EYS: variants seen among roughly 807,000 people sequenced by gnomAD.
The protein encoded by EYS is EGF-like photoreceptor maintenance factor.
A neutral mutation model predicts 282.1 loss-of-function variants in EYS; 250 were observed. That is an observed-to-expected ratio of 0.89 (90% CI 0.80 to 0.98). The LOEUF is 0.98. Ranked by LOEUF, EYS falls within the 50% of genes least tolerant of loss-of-function variation. The pLI, the probability that EYS is intolerant of heterozygous loss-of-function variation, is 0.00. For missense variants in EYS, 4,016 were observed against 3,709.0 expected, an observed-to-expected ratio of 1.08 and a Z score of -2.15; for synonymous variants, 1,355 against 1,282.9, an observed-to-expected ratio of 1.06 and a Z score of -1.20.
chr6:64,710,237 C>G (rs547034379), intron 22 of EYS, among the ~76,000 whole-genome samples: 1 of 152,280 alleles, frequency 6.6e-6, no homozygotes, highest in South Asian at 2.1e-4. Flanking sequence ...AAATCCATGT[C>G]TTCTCATTAT....
intron 16 of EYS, among the ~76,000 whole-genome samples, chr6:64,905,204 T>A (rs557873747): frequency 1.3e-5 from 2 of 152,326 alleles, no homozygotes; most frequent in South Asian, 4.1e-4. Context: ...TTAGGATATA[T>A]CCCCATTTTT....
chr6:64,434,142 G>C (rs904144631), intron 28 of EYS, among the ~76,000 whole-genome samples: 3 of 151,782 alleles, frequency 2.0e-5, no homozygotes, highest in Non-Finnish European at 4.4e-5. Flanking sequence ...TTAGGAGATA[G>C]ACACATACAA....
At chr6:64,141,243 C>T (rs919370021) in intron 31 of EYS, among the ~76,000 whole-genome samples, 2 of 152,080 alleles carry the variant, frequency 1.3e-5, no homozygotes, top group East Asian at 3.9e-4. Context: ...ATATATGTGC[C>T]CATCTTTAAA....
intron 15 of EYS, among the ~76,000 whole-genome samples, chr6:64,924,066 T>C (rs1768436209): frequency 6.6e-6 from 1 of 152,196 alleles, no homozygotes; most frequent in African/African-American, 2.4e-5. Context: ...CACAATGCCC[T>C]AGCAGAGGTT....
intron 22 of EYS, among the ~76,000 whole-genome samples, chr6:64,699,333 C>T (rs952855296): frequency 6.6e-6 from 1 of 151,964 alleles, no homozygotes; most frequent in Non-Finnish European, 1.5e-5. Context: ...GAGGGTGGAG[C>T]ATGGGAGCAG....
intron 22 of EYS, among the ~76,000 whole-genome samples, chr6:64,710,324 T>G (rs1583067525): frequency 6.6e-6 from 1 of 152,214 alleles, no homozygotes; most frequent in East Asian, 1.9e-4. Context: ...TCTTAAAATG[T>G]TACAACCCTT....
intron 29 of EYS, among the ~76,000 whole-genome samples, chr6:64,322,006 T>A (rs889965549): frequency 6.6e-6 from 1 of 151,994 alleles, no homozygotes; most frequent in African/African-American, 2.4e-5. Context: ...ATAGTCTACA[T>A]GTAGAAGTAA....
intron 31 of EYS, among the ~76,000 whole-genome samples, chr6:64,166,914 T>A (rs192292213): frequency 6.6e-6 from 1 of 152,148 alleles, no homozygotes; most frequent in South Asian, 2.1e-4. Flanking sequence ...GTGCTATTCC[T>A]TTTTCACTCT....
chr6:64,160,278 C>T (rs1775064273), intron 31 of EYS, among the ~76,000 whole-genome samples: 2 of 152,132 alleles, frequency 1.3e-5, no homozygotes, highest in South Asian at 2.1e-4. Context: ...ATTACAGTAG[C>T]ACATATGGTA....
chr6:65,694,254 A>C (rs1012872054), intron 1 of EYS, among the ~76,000 whole-genome samples: 1 of 148,778 alleles, frequency 6.7e-6, no homozygotes, highest in African/African-American at 2.5e-5. Flanking sequence ...GCAAAACTCT[A>C]TCTCAAAAAA....
At chr6:64,493,215 C>G (rs1017837373) in intron 26 of EYS, among the ~76,000 whole-genome samples, 4 of 151,444 alleles carry the variant, frequency 2.6e-5, no homozygotes, top group South Asian at 2.1e-4. Context: ...TAGCAAACTA[C>G]AGCAGACATG....
chr6:65,706,506 T>G, intron 1 of EYS, among the ~76,000 whole-genome samples: 1 of 144,034 alleles, frequency 6.9e-6, no homozygotes, highest in African/African-American at 2.7e-5. Flanking sequence ...TTACGTTTTC[T>G]TTTTAAAAAT....
intron 36 of EYS, among the ~76,000 whole-genome samples, chr6:63,849,729 C>T (rs970676022): frequency 6.6e-6 from 1 of 152,108 alleles, no homozygotes; most frequent in Non-Finnish European, 1.5e-5. Flanking sequence ...AAAACCAGTG[C>T]AAAAATGCTG....
chr6:64,883,452 A>G (rs1255355698), intron 19 of EYS, among the ~76,000 whole-genome samples: 1 of 151,344 alleles, frequency 6.6e-6, no homozygotes, highest in Non-Finnish European at 1.5e-5. Flanking sequence ...ATATATAAAT[A>G]TTAATATAGA....
chr6:65,685,998 G>A (rs1207494352), intron 1 of EYS, among the ~76,000 whole-genome samples: 2 of 152,008 alleles, frequency 1.3e-5, no homozygotes, highest in Non-Finnish European at 1.5e-5. Context: ...TCTACTGGAA[G>A]TGCATTGCGA....
intron 19 of EYS, among the ~76,000 whole-genome samples, chr6:64,837,618 G>A (rs1291200724): frequency 4.1e-5 from 6 of 146,050 alleles, no homozygotes; most frequent in South Asian, 2.1e-4. Flanking sequence ...TATGATATAT[G>A]ATATGTATAT....
intron 22 of EYS, among the ~76,000 whole-genome samples, chr6:64,805,924 G>A (rs1275203063): frequency 6.6e-6 from 1 of 151,118 alleles, no homozygotes; most frequent in African/African-American, 2.4e-5. Flanking sequence ...TAGTTCAGGA[G>A]GTCATCAGAA....
At chr6:64,750,041 G>A (rs1219677414) in intron 22 of EYS, among the ~76,000 whole-genome samples, 1 of 151,816 alleles carries the variant, frequency 6.6e-6, no homozygotes, top group Non-Finnish European at 1.5e-5. Context: ...GGATTAATTT[G>A]ACTACAGAAT....
At chr6:65,354,774 A>C (rs1278444634) in intron 8 of EYS, among the ~76,000 whole-genome samples, 1 of 152,084 alleles carries the variant, frequency 6.6e-6, no homozygotes, top group East Asian at 1.9e-4. Context: ...CTGAGCTGAG[A>C]TCACACCACT....
Sources: allele counts gnomAD v4.1 joint callset (sites outside exome capture counted in the v4.1 genomes callset), GRCh38; gene constraint gnomAD v4.1.1; transcripts MANE v1.5; gene names NCBI Gene and HGNC (gene_info 2026-07-23, HGNC 2026-07-21).